WDFY1: variants seen among roughly 807,000 people sequenced by gnomAD.
The protein encoded by WDFY1 is WD repeat and FYVE domain-containing protein 1.
Under a neutral mutation model 56.4 loss-of-function variants are expected in WDFY1, and 32 were observed. The ratio of observed to expected loss-of-function variants is 0.57; its 90% confidence interval spans 0.43 to 0.76. WDFY1 has a LOEUF of 0.76. WDFY1 is among the 30% of genes least tolerant of loss of function. The probability of loss-of-function intolerance (pLI) is 0.00; values close to 1 mark genes in which losing one functional copy is unlikely to be tolerated. For missense variants in WDFY1, 480 were observed against 545.7 expected, an observed-to-expected ratio of 0.88 and a Z score of 1.20; for synonymous variants, 192 against 197.3, an observed-to-expected ratio of 0.97 and a Z score of 0.23.
chr2:223,943,585 T>C (rs1689350287), intron 1 of WDFY1, among the ~76,000 whole-genome samples: 1 of 152,240 alleles, frequency 6.6e-6, no homozygotes, highest in Non-Finnish European at 1.5e-5. Context: ...CAGAAAGCTT[T>C]TGGACTTGTG....
At chr2:223,923,913 T>A (rs1559173226) in intron 1 of WDFY1, among the ~76,000 whole-genome samples, 1 of 152,360 alleles carries the variant, frequency 6.6e-6, no homozygotes, top group African/African-American at 2.4e-5. Context: ...TTTCCTTTAA[T>A]ATTTTGACAA....
intron 3 of WDFY1, among the ~76,000 whole-genome samples, chr2:223,906,990 T>C (rs576223771): frequency 1.5e-4 from 23 of 151,448 alleles, no homozygotes; most frequent in African/African-American, 5.3e-4. Flanking sequence ...ATTATATTAT[T>C]TTGAGACAGA....
chr2:223,905,022 G>A (rs1693572462), intron 4 of WDFY1, among the ~76,000 whole-genome samples: 2 of 152,182 alleles, frequency 1.3e-5, no homozygotes, highest in Non-Finnish European at 2.9e-5. Context: ...AGCTCCCTGG[G>A]AATATGCGTA....
chr2:223,886,207 C>T (rs577425284), intron 8 of WDFY1, among the ~76,000 whole-genome samples: 18 of 151,756 alleles, frequency 1.2e-4, no homozygotes, highest in African/African-American at 3.4e-4. Flanking sequence ...GGTGTGGTGG[C>T]ACACACCTGT....
intron 1 of WDFY1, among the ~76,000 whole-genome samples, chr2:223,924,386 CAG>C (rs1277449683): frequency 1.3e-5 from 2 of 152,338 alleles, no homozygotes; most frequent in African/African-American, 2.4e-5. Flanking sequence ...ATTTATTAAA[CAG>C]AGTCTCACTC....
At chr2:223,901,830 T>C (rs1318220788) in intron 4 of WDFY1, among the ~76,000 whole-genome samples, 2 of 152,242 alleles carry the variant, frequency 1.3e-5, no homozygotes, top group Admixed American at 6.5e-5. Flanking sequence ...AATGGTGTTA[T>C]GTGTTTGGTT....
intron 2 of WDFY1, among the ~76,000 whole-genome samples, chr2:223,915,638 A>T (rs74917825): frequency 0.011 from 1,729 of 152,346 alleles, 27 homozygotes; most frequent in African/African-American, 0.039. Context: ...CATAAGAGCC[A>T]TAGTATTAAC....
intron 3 of WDFY1, among the ~76,000 whole-genome samples, chr2:223,909,296 A>G (rs944815626): frequency 2.6e-5 from 4 of 152,048 alleles, no homozygotes; most frequent in Admixed American, 2.6e-4. Context: ...CAGCTTACAT[A>G]ACGTGGTCTG....
chr2:223,889,047 G>A (rs777777636), intron 8 of WDFY1, among the ~76,000 whole-genome samples: 1 of 151,526 alleles, frequency 6.6e-6, no homozygotes, highest in Non-Finnish European at 1.5e-5. Flanking sequence ...GAGATTACAG[G>A]TGTCTGCCAC....
chr2:223,931,718 G>A (rs761342654), intron 1 of WDFY1, among the ~76,000 whole-genome samples: 3 of 142,058 alleles, frequency 2.1e-5, no homozygotes, highest in Non-Finnish European at 3.0e-5. Flanking sequence ...ACAGAGTCTT[G>A]CTCTGTTGCA....
Position 223,893,529 on chromosome 2 carries a change from CAA to C in WDFY1, c.831+703_831+704del, listed in dbSNP as rs61458649. ...TGGGTGACAAAGCAAGACCCTGTCT[CAA>C]AAAAAAAAAAGAGAGAGAGAGATTG... On this transcript the variant is annotated intron_variant, in intron 8 of 11. Coordinates refer to ENST00000233055, the MANE Select transcript of WDFY1 (RefSeq NM_020830.5). Among the ~76,000 whole-genome samples, 16 of 135,772 alleles carry C rather than the reference CAA, an allele frequency of 1.2e-4. No homozygotes were observed. In the South Asian group the frequency reaches 2.4e-3, roughly 20 times the overall value. 89.1% of individuals were successfully genotyped at this position (135,772 alleles called of 152,430 possible). A position where few individuals can be genotyped will look rare whatever the true frequency, so the allele number is the denominator to read the frequency against.
chr2:223,894,158 C>T (rs779284270), intron 8 of WDFY1, 76 bp downstream of exon 8: 15 of 1,434,804 alleles, frequency 1.0e-5, no homozygotes, highest in Admixed American at 3.6e-5. Context: ...TTACAGCTTG[C>T]GGGGTGAAAA....
intron 3 of WDFY1, among the ~76,000 whole-genome samples, chr2:223,911,488 C>T (rs1693699058): frequency 1.3e-5 from 2 of 151,726 alleles, no homozygotes; most frequent in Non-Finnish European, 2.9e-5. Flanking sequence ...AGACTAGAAA[C>T]TTGAATATCA....
At chr2:223,878,776 G>A in intron 11 of WDFY1, 46 bp from the exon 12 acceptor site, 1 of 1,598,940 alleles carries the variant, frequency 6.3e-7, no homozygotes, top group Admixed American at 1.7e-5. Context: ...TGATAACCAG[G>A]TCTAACGGCA....
At position 223,894,293 on chromosome 2, in the gene WDFY1, C is replaced by T. The variant is rs749977086; in HGVS notation, c.772G>A (p.Val258Ile). The T allele has an allele frequency of 1.5e-5, 24 of 1,614,080 alleles. No homozygotes were observed. Among genetic ancestry groups the T allele is most frequent in the Middle Eastern group, 1.6e-4 (1 of 6,084 alleles). ...LCYLQLTRQL[V>I]SCSSDGGIAV... is the part of the protein sequence containing the mutation. ...ATTCCGCCGTCCGAGGAACAGGAGA[C>T]GAGCTGCCTGGTGAGCTGAAGGTAG... The change falls in exon 8 of 12, where the codon GTC (valine) becomes ATC (isoleucine). Residue 258 changes from valine (V) to isoleucine (I), a missense_variant. Coordinates refer to ENST00000233055, the MANE Select transcript of WDFY1 (RefSeq NM_020830.5).
chr2:223,906,002 C>T lies in WDFY1; in HGVS notation c.280-1G>A, dbSNP rs1474619972. The T allele has an allele frequency of 1.3e-6, 2 of 1,565,842 alleles. No homozygotes were observed. The highest frequency in any genetic ancestry group is 1.2e-5 in the South Asian group (1 of 83,130). ...TAAAATCTTCAGAAACGTGAAATTC[C>T]TAAAAGCAAATGCACAAAATAAAAA... On this transcript the variant is annotated splice_acceptor_variant, in intron 3 of 11. Coordinates refer to ENST00000233055, the MANE Select transcript of WDFY1 (RefSeq NM_020830.5). LOFTEE classifies it high-confidence loss of function.
chr2:223,918,213 T>C (rs1357224793), intron 1 of WDFY1, among the ~76,000 whole-genome samples: 1 of 151,906 alleles, frequency 6.6e-6, no homozygotes, highest in African/African-American at 2.4e-5. Flanking sequence ...CAGATACATA[T>C]ATAGCATATT....
intron 2 of WDFY1, among the ~76,000 whole-genome samples, chr2:223,913,347 C>A (rs1693736660): frequency 6.6e-6 from 1 of 152,082 alleles, no homozygotes; most frequent in Non-Finnish European, 1.5e-5. Context: ...CTGGATCGTA[C>A]CCCAAAGCAA....
intron 7 of WDFY1, 146 bp from the exon 8 acceptor site, chr2:223,894,485 T>C (rs1693328378): frequency 1.4e-5 from 10 of 718,318 alleles, no homozygotes; most frequent in South Asian, 1.3e-4. Context: ...TGAATTCTAG[T>C]ATAAACTTTA....
Sources: allele counts gnomAD v4.1 joint callset (sites outside exome capture counted in the v4.1 genomes callset), GRCh38; gene constraint gnomAD v4.1.1; transcripts MANE v1.5; gene names NCBI Gene and HGNC (gene_info 2026-07-23, HGNC 2026-07-21).